The following ZIM2 variants were observed in gnomAD, a reference collection of about 807,000 sequenced individuals.
ZIM2 encodes the protein zinc finger protein 656.
In ZIM2, 14 loss-of-function variants were observed where a neutral mutation model predicts 38.6. That is an observed-to-expected ratio of 0.36 (90% confidence interval 0.24 to 0.57). The LOEUF (loss-of-function observed/expected upper bound fraction) is 0.57. ZIM2 is among the 20% of genes least tolerant of loss of function. The pLI is 0.81. For synonymous variants in ZIM2, 247 were observed against 245.8 expected (o/e 1.00, Z -0.04); for missense variants, 680 against 695.1 (o/e 0.98, Z 0.24).
intron 11 of ZIM2, among the ~76,000 whole-genome samples, 157 bp from the exon 12 acceptor site, chr19:56,779,629 A>G (rs1464870064): frequency 6.6e-6 from 1 of 152,132 alleles, no homozygotes; most frequent in Non-Finnish European, 1.5e-5. Context: ...GACATCTAAA[A>G]TGTATGGAGA....
chr19:56,821,757 G>A lies in ZIM2; in HGVS notation c.191-3C>T. 3 of 1,612,954 alleles carry A rather than the reference G, an allele frequency of 1.9e-6. No homozygotes were observed. The highest frequency in any genetic ancestry group is 2.5e-6 in the Non-Finnish European group (3 of 1,179,300). On this transcript the variant is annotated splice_polypyrimidine_tract_variant and splice_region_variant and intron_variant, in intron 6 of 12. Coordinates refer to ENST00000629319, the MANE Select transcript of ZIM2 (RefSeq NM_001387356.1). Reference sequence around the variant, plus strand: ...GGAAAGATCCCGCGGAGGCATCCCTGGGAAGAAAAAAGGCATCAACAAGAA... The same window carrying A: ...GGAAAGATCCCGCGGAGGCATCCCTAGGAAGAAAAAAGGCATCAACAAGAA...
At chr19:56,816,833 T>A in intron 9 of ZIM2, 2 of 1,614,162 alleles carry the variant, frequency 1.2e-6, no homozygotes, top group Non-Finnish European at 8.5e-7. Context: ...CATTCCTGAT[T>A]CTTACATTCC....
intron 10 of ZIM2, among the ~76,000 whole-genome samples, chr19:56,786,816 T>C (rs188829363): frequency 6.6e-4 from 100 of 152,210 alleles, no homozygotes; most frequent in Admixed American, 1.4e-3. Flanking sequence ...TACTGTTTTA[T>C]TGTTTTTTGT....
intron 2 of ZIM2, among the ~76,000 whole-genome samples, chr19:56,828,231 C>G (rs959466818): frequency 6.6e-6 from 1 of 152,070 alleles, no homozygotes; most frequent in Non-Finnish European, 1.5e-5. Flanking sequence ...CCTAACCTGG[C>G]CATTAGCAGG....
chr19:56,823,277 C>G (rs2060677263), intron 5 of ZIM2, among the ~76,000 whole-genome samples: 1 of 152,214 alleles, frequency 6.6e-6, no homozygotes, highest in South Asian at 2.1e-4. Context: ...CCTATAAAAG[C>G]TCACTGAAGC....
chr19:56,819,709 G>A (rs1365129014), intron 7 of ZIM2, among the ~76,000 whole-genome samples: 1 of 152,212 alleles, frequency 6.6e-6, no homozygotes, highest in African/African-American at 2.4e-5. Context: ...TATCTGCTTT[G>A]CAATACTGTG....
intron 9 of ZIM2, among the ~76,000 whole-genome samples, chr19:56,803,789 C>T (rs1213218092): frequency 2.0e-5 from 3 of 152,158 alleles, no homozygotes; most frequent in South Asian, 2.1e-4. Context: ...ATTCCAAATG[C>T]CACTTTTGCC....
chr19:56,794,303 A>G (rs2047083701), intron 9 of ZIM2, among the ~76,000 whole-genome samples: 1 of 152,164 alleles, frequency 6.6e-6, no homozygotes, highest in Non-Finnish European at 1.5e-5. Flanking sequence ...ACAAACCTTC[A>G]TTTCTTCTGT....
At chr19:56,821,882 G>T in intron 6 of ZIM2, 128 bp from the exon 7 acceptor site, 1 of 945,428 alleles carries the variant, frequency 1.1e-6, no homozygotes, top group Non-Finnish European at 1.6e-6. Flanking sequence ...TCTCTTCTCT[G>T]CATTCTGTGG....
intron 1 of ZIM2, among the ~76,000 whole-genome samples, chr19:56,840,020 G>A (rs2062805801): frequency 6.6e-6 from 1 of 152,184 alleles, no homozygotes; most frequent in Non-Finnish European, 1.5e-5. Flanking sequence ...CACCACTGCG[G>A]CAAACAAGCC....
At chr19:56,787,657 A>C (rs947577317) in intron 10 of ZIM2, among the ~76,000 whole-genome samples, 2 of 150,400 alleles carry the variant, frequency 1.3e-5, no homozygotes, top group African/African-American at 4.9e-5. Context: ...GAATGGTACA[A>C]GCTCCTCTTT....
chr19:56,835,254 A>G (rs2061973956), intron 2 of ZIM2, among the ~76,000 whole-genome samples: 1 of 152,162 alleles, frequency 6.6e-6, no homozygotes, highest in South Asian at 2.1e-4. Flanking sequence ...CCATGGTTAA[A>G]AGCACTTCCC....
intron 3 of ZIM2, chr19:56,824,762 T>C (rs1260702649): frequency 9.3e-7 from 1 of 1,078,344 alleles, no homozygotes; most frequent in Non-Finnish European, 1.3e-6. Flanking sequence ...TAAGGAGATA[T>C]ACACATGTCC....
At chr19:56,831,749 C>G (rs1475002423) in intron 2 of ZIM2, among the ~76,000 whole-genome samples, 2 of 152,238 alleles carry the variant, frequency 1.3e-5, no homozygotes, top group Admixed American at 1.3e-4. Context: ...GCACTACATG[C>G]AGGTATTGCA....
Position 56,794,974 on chromosome 19 carries a change from T to C in ZIM2, c.491-5023A>G, listed in dbSNP as rs2047121390. Among the ~76,000 whole-genome samples, 3 of 152,256 alleles carry C rather than the reference T, an allele frequency of 2.0e-5. No homozygotes were observed. In the South Asian group the frequency reaches 6.2e-4, roughly 31 times the overall value. ...TTTGATTAATAATACGGCTTTCTCT[T>C]TGTTTCAGATTTACAAGCCAATTAT... On this transcript the variant is annotated intron_variant, in intron 9 of 12. Coordinates refer to ENST00000629319, the MANE Select transcript of ZIM2 (RefSeq NM_001387356.1).
chr19:56,814,359 A>T lies in ZIM2; in HGVS notation c.490+3387T>A, dbSNP rs145005818. On this transcript the variant is annotated intron_variant, in intron 9 of 12. Transcript: ENST00000629319. This position sits in a 1 kb window ranked among gnomAD's most constrained non-coding sequence, Gnocchi z 5.8. The stretch of plus-strand genomic sequence containing the variant: ...CTGCTGCTGCAGCTGCTGCTGCTTC[A>T]TCTTCTTCTTCTTCTTCCAGATGAA... 17 of 1,613,060 alleles carry T rather than the reference A, an allele frequency of 1.1e-5. No individual in the cohort carries two copies. The highest frequency in any genetic ancestry group is 1.6e-4 in the Middle Eastern group (1 of 6,084).
intron 9 of ZIM2, among the ~76,000 whole-genome samples, chr19:56,804,652 C>T (rs1473870376): frequency 3.9e-5 from 6 of 152,200 alleles, no homozygotes; most frequent in African/African-American, 1.4e-4. Flanking sequence ...CTAACTTGTC[C>T]CACTCAGTAT....
intron 11 of ZIM2, among the ~76,000 whole-genome samples, chr19:56,779,735 GCC>G (rs934953598): frequency 3.3e-5 from 5 of 152,068 alleles, no homozygotes; most frequent in African/African-American, 1.2e-4. Context: ...CTGCAAGACA[GCC>G]CCACAACCCG....
chr19:56,800,951 T>G lies in ZIM2; in HGVS notation c.491-11000A>C, dbSNP rs1021609682. On this transcript the variant is annotated intron_variant, in intron 9 of 12. Transcript: ENST00000629319. Reference sequence around the variant, plus strand: ...TGGTATTACTTTTTTTTTTTTTTTTTTTGAGACAGAGTCTTGCTCAGTCAC... The same window carrying G: ...TGGTATTACTTTTTTTTTTTTTTTTGTTGAGACAGAGTCTTGCTCAGTCAC... Among the ~76,000 whole-genome samples the G allele has an allele frequency of 2.6e-5, 4 of 151,468 alleles. No individual in the cohort carries two copies. The East Asian group carries it at 5.8e-4, about 22-fold the overall frequency.
Sources: allele counts gnomAD v4.1 joint callset (sites outside exome capture counted in the v4.1 genomes callset), GRCh38; gene constraint gnomAD v4.1.1; non-coding constraint Gnocchi (gnomAD v3.1); transcripts MANE v1.5; gene names NCBI Gene and HGNC (gene_info 2026-07-23, HGNC 2026-07-21).